Variants in MROH2B observed in about 807,000 individuals in gnomAD.
MROH2B encodes maestro heat-like repeat-containing protein family member 2B.
In MROH2B, 177 loss-of-function variants were observed where a neutral mutation model predicts 208.6. That is an observed-to-expected ratio of 0.85 (90% CI 0.75 to 0.96). MROH2B has a LOEUF of 0.96. Among genes scored for constraint, MROH2B ranks in the 40% least tolerant of loss-of-function variants. The pLI, the probability that MROH2B is intolerant of heterozygous loss-of-function variation, is 0.00. For missense variants in MROH2B, 2,002 were observed against 1,878.7 expected, an observed-to-expected ratio of 1.07 and a Z score of -1.21; for synonymous variants, 728 against 659.0, an observed-to-expected ratio of 1.10 and a Z score of -1.60.
At chr5:41,038,623 CT>C in intron 21 of MROH2B, 112 bp downstream of exon 21, 1 of 1,027,552 alleles carries the variant, frequency 9.7e-7, no homozygotes, top group Non-Finnish European at 1.4e-6. Flanking sequence ...TTTCACGTGG[CT>C]GATAAAAACA....
chr5:41,057,056 T>C, intron 9 of MROH2B, 53 bp downstream of exon 9: 1 of 1,560,278 alleles, frequency 6.4e-7, no homozygotes, highest in Non-Finnish European at 8.8e-7. Flanking sequence ...ACCATTGTCA[T>C]CATCATCACT....
rs1741376527 is a variant in MROH2B, at chr5:41,000,849, C to A, written c.4195-16G>T. 1.2e-6 allele frequency: 2 copies of A among 1,602,384 alleles called. No homozygotes were observed. On this transcript the variant is annotated splice_polypyrimidine_tract_variant and intron_variant, in intron 37 of 41. Transcript: ENST00000399564. ...CATCCTGCTCCTGTGGTGACGAATG[C>A]ATGTCGTGGTGAATATCCTCTCAGA...
chr5:41,011,005 C>T (rs1741757265), intron 30 of MROH2B, among the ~76,000 whole-genome samples: 1 of 152,046 alleles, frequency 6.6e-6, no homozygotes, highest in African/African-American at 2.4e-5. Context: ...GGAGAATGGT[C>T]CAGGTTGGAG....
chr5:41,007,346 A>G lies in MROH2B; in HGVS notation c.3717T>C (p.Ser1239=). The G allele has an allele frequency of 6.5e-7, 1 of 1,532,048 alleles. No individual in the cohort carries two copies. Among genetic ancestry groups the G allele is most frequent in the Non-Finnish European group, 8.8e-7 (1 of 1,136,774 alleles). The allele number at this position is 1,532,048 out of a possible 1,614,324, so 94.9% of individuals were successfully genotyped here. The part of the protein sequence containing the change: ...DNLWTLLSSP[S]THHIGVCSLA... ...GTGAACATACGCCTATGTGGTGGGT[A>G]CTAGGACTGCTGAGTAGAGTCCATA... Residue 1239 remains serine (S), a synonymous_variant, in exon 34 of 42, where the codon AGT becomes AGC. Coordinates refer to ENST00000399564, the MANE Select transcript of MROH2B (RefSeq NM_173489.5).
intron 6 of MROH2B, among the ~76,000 whole-genome samples, chr5:41,059,161 G>C (rs905013058): frequency 6.6e-6 from 1 of 151,944 alleles, no homozygotes; most frequent in African/African-American, 2.4e-5. Flanking sequence ...GCGTTTCCAA[G>C]GTATGGTCTT....
At chr5:41,019,840 A>G (rs10058056) in intron 24 of MROH2B, among the ~76,000 whole-genome samples, 132,049 of 152,218 alleles carry the variant, frequency 0.87, 57,402 homozygotes, top group Admixed American at 0.91. Context: ...TTAATGTATC[A>G]AAGTATAATT....
intron 2 of MROH2B, among the ~76,000 whole-genome samples, chr5:41,069,321 G>A (rs325883): frequency 0.12 from 18,379 of 152,150 alleles, 1,334 homozygotes; most frequent in Middle Eastern, 0.2. Flanking sequence ...TTCTAGCTGT[G>A]AAATAGCATT....
At chr5:41,054,740 G>T in intron 11 of MROH2B, 27 bp downstream of exon 11, 1 of 1,520,280 alleles carries the variant, frequency 6.6e-7, no homozygotes, top group Non-Finnish European at 9.0e-7. Context: ...AGCTACCATC[G>T]ACAAGAGTTT....
At position 41,004,488 on chromosome 5, in the gene MROH2B, C is replaced by T; in HGVS notation, c.4052G>A (p.Arg1351Lys). The change falls in exon 37 of 42, where the codon AGA becomes AAA. Residue 1351 changes from arginine (R) to lysine (K), a missense_variant. Arg to Lys is a conservative substitution (Grantham distance 26). Coordinates refer to ENST00000399564, the MANE Select transcript of MROH2B (RefSeq NM_173489.5). ...HKQLMLESIIRGLYHLARTEV... is the reference protein window; with the variant it reads ...HKQLMLESIIKGLYHLARTEV... ...AGTGCGAGCTAGGTGATACAGGCCT[C>T]TGATGATAGATTCTAGCATTAACTG... is the stretch of plus-strand genomic sequence containing the variant. 1 of 1,613,162 alleles carries T rather than the reference C, an allele frequency of 6.2e-7. No homozygotes were observed. The highest frequency in any genetic ancestry group is 8.5e-7 in the Non-Finnish European group (1 of 1,179,728).
At chr5:41,039,189 C>T (rs1027828875) in intron 20 of MROH2B, among the ~76,000 whole-genome samples, 2 of 151,980 alleles carry the variant, frequency 1.3e-5, no homozygotes, top group Non-Finnish European at 2.9e-5. Context: ...TCATGAGGGC[C>T]GAGTGGTTGG....
At chr5:41,065,288 G>C in intron 4 of MROH2B, 43 bp downstream of exon 4, 5 of 1,558,618 alleles carry the variant, frequency 3.2e-6, no homozygotes, top group Non-Finnish European at 3.5e-6. Flanking sequence ...ACAATTAGAA[G>C]TTGTCATTTC....
intron 24 of MROH2B, among the ~76,000 whole-genome samples, chr5:41,023,355 A>T (rs1490275614): frequency 6.6e-6 from 1 of 152,234 alleles, no homozygotes; most frequent in African/African-American, 2.4e-5. Flanking sequence ...AAATGACCTG[A>T]TGGAGCTGAA....
At chr5:41,022,409 GC>G (rs146344165) in intron 24 of MROH2B, among the ~76,000 whole-genome samples, 2,336 of 152,304 alleles carry the variant, frequency 0.015, 68 homozygotes, top group African/African-American at 0.053. Context: ...TATATCCCGC[GC>G]CTGGCTTGGA....
At position 41,008,672 on chromosome 5, in the gene MROH2B, C is replaced by T; in HGVS notation, c.3542G>A (p.Cys1181Tyr). ...CACATGCCGCCTATGGCTCCAGGGA[C>T]AAGTGAGCATCTTCTGGCCCAGTGT... The part of the protein sequence containing the change: ...SCTLGQKMLT[C>Y]PWSHRRHVMQ... The change falls in exon 33 of 42, where the codon TGT becomes TAT. Residue 1181 changes from cysteine (C) to tyrosine (Y), a missense_variant. By Grantham distance (194) the Cys-to-Tyr change is radical (BLOSUM62 -2). Transcript: ENST00000399564. The T allele has an allele frequency of 6.2e-7, 1 of 1,613,914 alleles. No homozygotes were observed. The highest frequency in any genetic ancestry group is 8.5e-7 in the Non-Finnish European group (1 of 1,179,860).
chr5:41,026,073 C>T (rs1001516064), intron 24 of MROH2B, among the ~76,000 whole-genome samples: 4 of 60,700 alleles, frequency 6.6e-5, no homozygotes, highest in African/African-American at 1.9e-4. Context: ...AACGCCCAGC[C>T]AATATCATAC....
In MROH2B at chr5:40,998,105, C is replaced by CCT; in HGVS notation, c.4703_4704dup (p.Ala1569ArgfsTer8). 2 of 1,612,488 alleles carry CCT rather than the reference C, an allele frequency of 1.2e-6. No homozygotes were observed. The highest frequency in any genetic ancestry group is 1.7e-6 in the Non-Finnish European group (2 of 1,178,744). ...CTTCTCAGGAGGGTTTGCAAAGCAG[C>CCT]CTCAGCTGCTCTCTGGACACTAATA... On this transcript the variant is annotated frameshift_variant, in exon 42 of 42. Transcript: ENST00000399564. LOFTEE classifies it high-confidence loss of function.
chr5:41,050,552 C>T (rs977318093), intron 13 of MROH2B, among the ~76,000 whole-genome samples: 32 of 152,018 alleles, frequency 2.1e-4, no homozygotes, highest in African/African-American at 7.0e-4. Flanking sequence ...TATGTACTTC[C>T]GGGCACTACA....
chr5:41,033,032 C>T lies in MROH2B; in HGVS notation c.2361+9G>A, dbSNP rs1285853403. 6.2e-7 allele frequency: 1 copy of T among 1,612,750 alleles called. No individual in the cohort carries two copies. The highest frequency in any genetic ancestry group is 1.7e-5 in the Admixed American group (1 of 59,820). On this transcript the variant is annotated intron_variant, in intron 23 of 41. Coordinates refer to ENST00000399564, the MANE Select transcript of MROH2B (RefSeq NM_173489.5). ...CAGGGCCTTTCTTATTCCCTCTCTG[C>T]ACACTCACCAGCATGTAACCAATCA... is the stretch of plus-strand genomic sequence containing the variant.
chr5:40,998,223 C>A (rs1053899163), intron 41 of MROH2B, 65 bp from the exon 42 acceptor site: 2 of 1,352,648 alleles, frequency 1.5e-6, no homozygotes, highest in Middle Eastern at 2.3e-4. Flanking sequence ...AAGGGCAAAC[C>A]AAGCCAAGGC....
Sources: gnomAD v4.1 joint callset for allele counts (sites outside exome capture counted in the v4.1 genomes callset) on GRCh38, gnomAD v4.1.1 for gene constraint, MANE v1.5 for transcripts, NCBI Gene and HGNC (gene_info 2026-07-23, HGNC 2026-07-21) for gene names.